The following OPRM1 variants were observed in gnomAD, a reference collection of about 807,000 sequenced individuals.
OPRM1 encodes opioid receptor mu 1, also known as mu-type opioid receptor.
In OPRM1, 27 loss-of-function variants were observed where a neutral mutation model predicts 31.8. The ratio of observed to expected loss-of-function variants is 0.85; its 90% CI spans 0.63 to 1.17. OPRM1 has a LOEUF of 1.17. Ranked by LOEUF, OPRM1 falls within the 50% of genes most tolerant of loss-of-function variation. The pLI, the probability that OPRM1 is intolerant of heterozygous loss-of-function variation, is 0.00. For synonymous variants in OPRM1, 196 were observed against 189.9 expected, an observed-to-expected ratio of 1.03 and a Z score of -0.26; for missense variants, 536 against 511.1, an observed-to-expected ratio of 1.05 and a Z score of -0.47.
intron 3 of OPRM1, among the ~76,000 whole-genome samples, chr6:154,152,326 A>AGGAAG (rs397966634): frequency 1.6e-4 from 6 of 36,766 alleles, no homozygotes; most frequent in South Asian, 7.2e-4. Flanking sequence ...AAAGAAAGAA[A>AGGAAG]GAAAGAAAGA....
chr6:154,246,704 A>G (rs772701298), exon 4 of OPRM1: 1 of 1,614,122 alleles, frequency 6.2e-7, no homozygotes, highest in Admixed American at 1.7e-5. Context: ...CACCCTTGGC[A>G]GTCAGCATGG....
chr6:154,068,045 C>T (rs1785832865), intron 1 of OPRM1, among the ~76,000 whole-genome samples: 1 of 152,098 alleles, frequency 6.6e-6, no homozygotes, highest in Non-Finnish European at 1.5e-5. Flanking sequence ...TTTCAACCTG[C>T]AAGACTCCCT....
chr6:154,208,067 T>C (rs1167685020), intron 3 of OPRM1, among the ~76,000 whole-genome samples: 1 of 152,172 alleles, frequency 6.6e-6, no homozygotes. Context: ...CCAGTGTCTG[T>C]TGCACAGAGC....
At chr6:154,061,100 C>A (rs1461841508) in intron 1 of OPRM1, among the ~76,000 whole-genome samples, 2 of 152,082 alleles carry the variant, frequency 1.3e-5, no homozygotes, top group Non-Finnish European at 2.9e-5. Flanking sequence ...ATTGGAGATA[C>A]TTGATTTATA....
chr6:154,100,088 T>TCATGATATATATCATATGATATA (rs1250732209), intron 3 of OPRM1, among the ~76,000 whole-genome samples: 1 of 79,100 alleles, frequency 1.3e-5, no homozygotes, highest in Non-Finnish European at 2.4e-5. Context: ...ATATTATATA[T>TCATGATATATATCATATGATATA]TATCATATTA....
chr6:154,094,614 C>T (rs983202423), intron 3 of OPRM1, among the ~76,000 whole-genome samples: 2 of 152,266 alleles, frequency 1.3e-5, no homozygotes, highest in South Asian at 2.1e-4. Context: ...TCCACATGGA[C>T]TCTTACCGTC....
At position 154,093,311 on chromosome 6, in the gene OPRM1, A is replaced by T. The variant is rs540825; in HGVS notation, c.1164+1839A>T. ...CCCTGTCTTGCTGGGCTCTAGAGCAAGGCTGCTTGGTTGTGTACCCTGGAC... is the reference window on the plus strand; with the variant it reads ...CCCTGTCTTGCTGGGCTCTAGAGCATGGCTGCTTGGTTGTGTACCCTGGAC... On this transcript the variant is annotated intron_variant, in intron 3 of 3. Coordinates refer to ENST00000330432, the MANE Select transcript of OPRM1 (RefSeq NM_000914.5). 0.77 allele frequency: 1,246,867 copies of T among 1,612,926 alleles called. 485,112 individuals carry two copies. Among genetic ancestry groups the T allele is most frequent in the African/African-American group, 0.94 (70,260 of 75,004 alleles).
intron 3 of OPRM1, among the ~76,000 whole-genome samples, chr6:154,191,657 G>A (rs953587544): frequency 1.8e-4 from 27 of 147,538 alleles, no homozygotes; most frequent in African/African-American, 6.8e-4. Context: ...CTGGGTGACA[G>A]AGTGAGACTT....
At chr6:154,159,058 A>G (rs2128545386) in intron 3 of OPRM1, 1 of 152,386 alleles carries the variant, frequency 6.6e-6, no homozygotes, top group East Asian at 1.9e-4. Context: ...TTTGCGGAAC[A>G]TATTCCTATC....
At chr6:154,172,722 G>T (rs889025705) in intron 3 of OPRM1, among the ~76,000 whole-genome samples, 1 of 152,254 alleles carries the variant, frequency 6.6e-6, no homozygotes, top group Non-Finnish European at 1.5e-5. Context: ...TTCCACCTCT[G>T]GGGGCAGGGC....
intron 3 of OPRM1, among the ~76,000 whole-genome samples, chr6:154,166,162 T>C (rs1799406196): frequency 6.6e-6 from 1 of 152,226 alleles, no homozygotes; most frequent in Non-Finnish European, 1.5e-5. Context: ...TTGGGATAAT[T>C]TGTTACCTAG....
At chr6:154,092,038 T>C (rs1583492881) in intron 3 of OPRM1, 1 of 376,136 alleles carries the variant, frequency 2.7e-6, no homozygotes, top group African/African-American at 2.2e-5. Context: ...CTAGCACAAA[T>C]ATCAAACATA....
At chr6:154,075,051 T>C (rs1412355847) in intron 1 of OPRM1, among the ~76,000 whole-genome samples, 1 of 151,970 alleles carries the variant, frequency 6.6e-6, no homozygotes, top group Non-Finnish European at 1.5e-5. Flanking sequence ...TTTAATAAAA[T>C]TCAGGAACAT....
At chr6:154,061,587 CAT>C (rs1411160207) in intron 1 of OPRM1, among the ~76,000 whole-genome samples, 5 of 152,080 alleles carry the variant, frequency 3.3e-5, no homozygotes, top group Admixed American at 3.3e-4. Flanking sequence ...CCAAATACCA[CAT>C]GTTCTCACTT....
intron 3 of OPRM1, among the ~76,000 whole-genome samples, chr6:154,183,299 G>A (rs951658120): frequency 6.6e-6 from 1 of 152,146 alleles, no homozygotes; most frequent in African/African-American, 2.4e-5. Context: ...TTTCAAGATG[G>A]CGCTCTCATT....
chr6:154,198,215 T>C (rs972290843), intron 3 of OPRM1, among the ~76,000 whole-genome samples: 3 of 152,206 alleles, frequency 2.0e-5, no homozygotes, highest in Admixed American at 6.5e-5. Flanking sequence ...CTATCTCCTT[T>C]TGACTTGCAC....
At chr6:154,246,572 A>C (rs1206148228) in intron 3 of OPRM1, 2 of 1,599,998 alleles carry the variant, frequency 1.3e-6, no homozygotes, top group East Asian at 4.5e-5. Flanking sequence ...TGGGAATAGG[A>C]GGAAGAAAGC....
chr6:154,143,091 A>T (rs61005838), intron 3 of OPRM1, among the ~76,000 whole-genome samples: 17,575 of 151,878 alleles, frequency 0.12, 1,098 homozygotes, highest in East Asian at 0.16. Context: ...ATATATATAT[A>T]AAAAAAGGTC....
intron 1 of OPRM1, among the ~76,000 whole-genome samples, chr6:154,014,944 A>G (rs146737142): frequency 1.6e-3 from 240 of 152,294 alleles, no homozygotes; most frequent in African/African-American, 5.7e-3. Flanking sequence ...GCCAAAATGT[A>G]TAATAATATA....
Sources: gnomAD v4.1 joint callset for allele counts (sites outside exome capture counted in the v4.1 genomes callset) on GRCh38, gnomAD v4.1.1 for gene constraint, MANE v1.5 for transcripts, NCBI Gene and HGNC (gene_info 2026-07-23, HGNC 2026-07-21) for gene names.